XPR1: variants seen among roughly 807,000 people sequenced by gnomAD.
XPR1 encodes solute carrier family 53 member 1.
Under a neutral mutation model 87.5 loss-of-function variants are expected in XPR1, and 28 were observed. The ratio of observed to expected loss-of-function variants is 0.32; its 90% confidence interval spans 0.24 to 0.44. The LOEUF is 0.44. Ranked by LOEUF, XPR1 falls within the 20% of genes least tolerant of loss-of-function variation. XPR1 has a pLI of 1.00. For synonymous variants in XPR1, 300 were observed against 306.1 expected, an observed-to-expected ratio of 0.98 and a Z score of 0.21; for missense variants, 559 against 862.3, an observed-to-expected ratio of 0.65 and a Z score of 4.41.
intron 2 of XPR1, among the ~76,000 whole-genome samples, chr1:180,743,895 G>T (rs888106805): frequency 6.6e-6 from 1 of 152,176 alleles, no homozygotes. Flanking sequence ...CTACTTTCAA[G>T]AGTTAATTTT....
Position 180,792,881 on chromosome 1 carries a change from A to C in XPR1, c.223+5027A>C, listed in dbSNP as rs368122097. ...CTTTATTCAAAATACTTAGTTTCTA[A>C]ACAGTGTTTATTTGCCTAATGTTAA... On this transcript the variant is annotated intron_variant, in intron 3 of 14. Coordinates refer to ENST00000367590, the MANE Select transcript of XPR1 (RefSeq NM_004736.4). Among the ~76,000 whole-genome samples the C allele has an allele frequency of 2.9e-4, 44 of 151,998 alleles. No homozygotes were observed. In the South Asian group the frequency reaches 6.4e-3, roughly 22 times the overall value.
intron 2 of XPR1, among the ~76,000 whole-genome samples, chr1:180,739,313 C>T (rs1440001329): frequency 1.3e-5 from 2 of 152,192 alleles, no homozygotes; most frequent in African/African-American, 2.4e-5. Flanking sequence ...GGTGATTTCT[C>T]TGACTTTATT....
At chr1:180,795,992 A>G (rs1286389930) in intron 3 of XPR1, among the ~76,000 whole-genome samples, 1 of 152,086 alleles carries the variant, frequency 6.6e-6, no homozygotes, top group African/African-American at 2.4e-5. Context: ...TATTTTTAGT[A>G]GAGACGAGGT....
At chr1:180,788,713 CTA>C (rs144655479) in intron 3 of XPR1, among the ~76,000 whole-genome samples, 6,246 of 152,080 alleles carry the variant, frequency 0.041, 160 homozygotes, top group African/African-American at 0.072. Flanking sequence ...TAAAATTACT[CTA>C]TTTTTTATTT....
chr1:180,690,086 A>G (rs1055291171), intron 2 of XPR1, among the ~76,000 whole-genome samples: 39 of 151,820 alleles, frequency 2.6e-4, no homozygotes, highest in Non-Finnish European at 4.9e-4. Flanking sequence ...AACCCAGGAG[A>G]TGAAGGTTGC....
chr1:180,840,929 A>C (rs781632262), intron 11 of XPR1, among the ~76,000 whole-genome samples: 3 of 152,096 alleles, frequency 2.0e-5, no homozygotes, highest in Non-Finnish European at 4.4e-5. Context: ...ATTTTATGTA[A>C]CATGCCGTGC....
chr1:180,645,470 C>T (rs1054180102), intron 1 of XPR1, among the ~76,000 whole-genome samples: 7 of 152,166 alleles, frequency 4.6e-5, no homozygotes, highest in Admixed American at 1.3e-4. Flanking sequence ...CCATCTCTCC[C>T]GAAGTGACAG....
intron 2 of XPR1, among the ~76,000 whole-genome samples, chr1:180,684,143 A>G (rs1417775217): frequency 1.3e-5 from 2 of 152,180 alleles, no homozygotes; most frequent in African/African-American, 4.8e-5. Context: ...TAATTTTTCT[A>G]TAAGGTGTAA....
chr1:180,865,610 C>T (rs1652364360), intron 12 of XPR1, among the ~76,000 whole-genome samples: 1 of 152,076 alleles, frequency 6.6e-6, no homozygotes, highest in Admixed American at 6.6e-5. Context: ...CCGTGTTAGC[C>T]AGGATGGTCT....
At chr1:180,770,991 G>A (rs143226641) in intron 2 of XPR1, among the ~76,000 whole-genome samples, 1 of 152,124 alleles carries the variant, frequency 6.6e-6, no homozygotes, top group Non-Finnish European at 1.5e-5. Flanking sequence ...CTGTCGATGT[G>A]CTCCCCTAGC....
chr1:180,705,114 AGT>A (rs1297120192), intron 2 of XPR1, among the ~76,000 whole-genome samples: 1 of 152,122 alleles, frequency 6.6e-6, no homozygotes, highest in African/African-American at 2.4e-5. Context: ...TTAAGCATTA[AGT>A]AATACTCTTA....
At chr1:180,746,012 G>A (rs965837046) in intron 2 of XPR1, among the ~76,000 whole-genome samples, 1 of 152,184 alleles carries the variant, frequency 6.6e-6, no homozygotes, top group Non-Finnish European at 1.5e-5. Flanking sequence ...GGATCTCACA[G>A]AGGTAAAACC....
chr1:180,817,049 C>G (rs1650435568), intron 7 of XPR1, among the ~76,000 whole-genome samples: 1 of 150,906 alleles, frequency 6.6e-6, no homozygotes, highest in Admixed American at 6.6e-5. Flanking sequence ...TAGGCCTAGG[C>G]TAATATGTGT....
chr1:180,743,938 A>G (rs1269687509), intron 2 of XPR1, among the ~76,000 whole-genome samples: 3 of 152,224 alleles, frequency 2.0e-5, no homozygotes, highest in Admixed American at 6.5e-5. Context: ...ATTATGATCC[A>G]TCTGGCCTTG....
chr1:180,679,450 A>G (rs1375809907), intron 1 of XPR1, among the ~76,000 whole-genome samples: 1 of 152,178 alleles, frequency 6.6e-6, no homozygotes, highest in Non-Finnish European at 1.5e-5. Context: ...CAGCAAAAAA[A>G]TTATCTAGCC....
intron 2 of XPR1, among the ~76,000 whole-genome samples, chr1:180,777,172 T>C: frequency 6.6e-6 from 1 of 152,166 alleles, no homozygotes; most frequent in South Asian, 2.1e-4. Context: ...CCTACTGATT[T>C]TACCTCCAGA....
intron 2 of XPR1, among the ~76,000 whole-genome samples, chr1:180,749,458 A>T (rs1283809079): frequency 6.6e-6 from 1 of 151,938 alleles, no homozygotes; most frequent in Non-Finnish European, 1.5e-5. Context: ...TTGGACCTAT[A>T]CTCATTCATT....
intron 2 of XPR1, among the ~76,000 whole-genome samples, chr1:180,767,000 T>C (rs962915621): frequency 1.3e-5 from 2 of 152,224 alleles, no homozygotes; most frequent in African/African-American, 4.8e-5. Context: ...AAAGACATGC[T>C]CAGCTCAAAA....
At chr1:180,769,558 A>G (rs767223772) in intron 2 of XPR1, among the ~76,000 whole-genome samples, 1 of 151,200 alleles carries the variant, frequency 6.6e-6, no homozygotes, top group Non-Finnish European at 1.5e-5. Flanking sequence ...TGCCTGGCTT[A>G]TTTTGTGTAA....
Sources: gnomAD v4.1 joint callset for allele counts (sites outside exome capture counted in the v4.1 genomes callset) on GRCh38, gnomAD v4.1.1 for gene constraint, MANE v1.5 for transcripts, NCBI Gene and HGNC (gene_info 2026-07-23, HGNC 2026-07-21) for gene names.